Variants in KLRG2 observed in about 807,000 individuals in gnomAD.
The protein encoded by KLRG2 is killer cell lectin-like receptor subfamily G member 2.
KLRG2 carries 39 observed loss-of-function variants against 35.4 expected under a neutral mutation model. The ratio of observed to expected loss-of-function variants is 1.10; its 90% CI spans 0.85 to 1.44. The LOEUF (loss-of-function observed/expected upper bound fraction) is 1.44. Among genes scored for constraint, KLRG2 ranks in the 40% most tolerant of loss-of-function variants. KLRG2 has a pLI of 0.00. For missense variants in KLRG2, 632 were observed against 570.9 expected (o/e 1.11, Z -1.09); for synonymous variants, 283 against 265.8 (o/e 1.06, Z -0.63).
chr7:139,427,596 C>T, the KLRG2 span, among the ~76,000 whole-genome samples: 4 of 152,186 alleles, frequency 2.6e-5, no homozygotes, highest in African/African-American at 9.7e-5. Context: ...TGGGCTTAAA[C>T]TCTGAAGGGA....
the KLRG2 span, among the ~76,000 whole-genome samples, chr7:139,433,453 G>A: frequency 1.3e-5 from 2 of 152,060 alleles, no homozygotes; most frequent in Non-Finnish European, 2.9e-5. Context: ...AGTCTCCCGA[G>A]TAGCTGGCAT....
chr7:139,453,815 ACT>A, intron 4 of KLRG2, 108 bp from the exon 5 acceptor site: 1 of 1,321,634 alleles, frequency 7.6e-7, no homozygotes, highest in Non-Finnish European at 1.1e-6. Flanking sequence ...CGGCCTGGGC[ACT>A]GAGTGAGTCA....
At chr7:139,455,164 ATGC>A (rs1470388629) in intron 3 of KLRG2, among the ~76,000 whole-genome samples, 4 of 151,624 alleles carry the variant, frequency 2.6e-5, no homozygotes, top group African/African-American at 9.7e-5. Flanking sequence ...AACTACAGGC[ATGC>A]ACCACCACAC....
chr7:139,429,019 TTAAA>T, the KLRG2 span, among the ~76,000 whole-genome samples: 1 of 152,346 alleles, frequency 6.6e-6, no homozygotes, highest in African/African-American at 2.4e-5. Context: ...GATTTTCCAT[TTAAA>T]TAATCACTTT....
chr7:139,470,015 AG>A (rs915697567), intron 3 of KLRG2, among the ~76,000 whole-genome samples: 1 of 152,178 alleles, frequency 6.6e-6, no homozygotes, highest in African/African-American at 2.4e-5. Flanking sequence ...AACAAGAAAA[AG>A]ACCGAGTAAT....
At chr7:139,465,687 G>A (rs1157485483) in intron 3 of KLRG2, among the ~76,000 whole-genome samples, 1 of 124,926 alleles carries the variant, frequency 8.0e-6, no homozygotes, top group Non-Finnish European at 1.7e-5. Context: ...GTGAGACTCT[G>A]TCTCAAAAAA....
intron 1 of KLRG2, among the ~76,000 whole-genome samples, chr7:139,481,478 G>A (rs118124181): frequency 6.6e-6 from 1 of 152,326 alleles, no homozygotes; most frequent in Non-Finnish European, 1.5e-5. Context: ...GGAATTTGGT[G>A]CCTGTCAGTG....
chr7:139,455,605 G>A (rs1323567666), intron 3 of KLRG2, among the ~76,000 whole-genome samples: 2 of 152,178 alleles, frequency 1.3e-5, no homozygotes, highest in East Asian at 1.9e-4. Context: ...ACAGGCGTGA[G>A]CCACCGCGCC....
chr7:139,455,495 G>A (rs1362586522), intron 3 of KLRG2, among the ~76,000 whole-genome samples: 1 of 151,906 alleles, frequency 6.6e-6, no homozygotes, highest in Non-Finnish European at 1.5e-5. Context: ...CTAATTTTTT[G>A]TATTTTTAGT....
intron 3 of KLRG2, among the ~76,000 whole-genome samples, chr7:139,462,977 C>T (rs775114710): frequency 2.0e-5 from 3 of 152,194 alleles, no homozygotes; most frequent in Non-Finnish European, 2.9e-5. Context: ...CTCCGCTCCC[C>T]TACCCTATAA....
the KLRG2 span, among the ~76,000 whole-genome samples, chr7:139,431,420 C>CTT: frequency 2.7e-3 from 405 of 148,420 alleles, 1 homozygote; most frequent in African/African-American, 4.5e-3. Context: ...AATATATACA[C>CTT]TTTTTTTTTT....
intron 3 of KLRG2, among the ~76,000 whole-genome samples, chr7:139,456,812 T>C (rs1168658677): frequency 6.6e-6 from 1 of 152,174 alleles, no homozygotes; most frequent in Admixed American, 6.5e-5. Context: ...TGCCTCCTTG[T>C]CACTTTCCTG....
At chr7:139,438,915 TCCCCTCCCCCCCCCCA>T in the KLRG2 span, among the ~76,000 whole-genome samples, 1 of 118,048 alleles carries the variant, frequency 8.5e-6, no homozygotes, top group Non-Finnish European at 1.8e-5. Flanking sequence ...CCTCAGATGA[TCCCCTCCCCCCCCCCA>T]CCCCGCCCCG....
chr7:139,467,645 G>C (rs7457824), intron 3 of KLRG2, among the ~76,000 whole-genome samples: 32,162 of 144,644 alleles, frequency 0.22, 4,382 homozygotes, highest in African/African-American at 0.35. Context: ...CAGCATGCTC[G>C]TTAAGAGTCA....
At position 139,453,696 on chromosome 7, in the gene KLRG2, T is replaced by A. The variant is rs556303174; in HGVS notation, c.1121A>T (p.Asp374Val). Residue 374 changes from aspartate (D) to valine (V), a missense_variant, in exon 5 of 5, where the codon GAC becomes GTC. Transcript: ENST00000340940. ...APLPPQLLPE[D>V]GEDNLDINCG... is the part of the protein sequence containing the mutation. ...GTTGATATCCAGATTGTCCTCGCCG[T>A]CCTCAGGGAGTCTGGGAAAGGATGG... 2 of 1,613,956 alleles carry A rather than the reference T, an allele frequency of 1.2e-6. No individual in the cohort carries two copies. Among genetic ancestry groups the A allele is most frequent in the South Asian group, 2.2e-5 (2 of 91,056 alleles).
chr7:139,463,953 T>A (rs904755875), intron 3 of KLRG2, among the ~76,000 whole-genome samples: 16 of 152,216 alleles, frequency 1.1e-4, no homozygotes, highest in African/African-American at 3.9e-4. Context: ...GCCAGGCTTC[T>A]AGACCTCTTA....
rs775109529 is a variant in KLRG2, at chr7:139,483,560, G to T, written c.83C>A (p.Thr28Lys). 6.3e-7 allele frequency: 1 copy of T among 1,598,484 alleles called. No homozygotes were observed. Among genetic ancestry groups the T allele is most frequent in the East Asian group, 2.2e-5 (1 of 44,656 alleles). The change falls in exon 1 of 5, where the codon ACG becomes AAG. Residue 28 changes from threonine to lysine, a missense_variant. Thr to Lys is a moderately conservative substitution (Grantham distance 78, BLOSUM62 -1). Coordinates refer to ENST00000340940, the MANE Select transcript of KLRG2 (RefSeq NM_198508.4). ...PMEPVGSLVP[T>K]LEQPQVPAKV... Reference sequence around the variant, plus strand: ...CGCGGGCACCTGCGGCTGCTCCAGCGTGGGGACCAGGCTTCCCACGGGCTC... The same window carrying T: ...CGCGGGCACCTGCGGCTGCTCCAGCTTGGGGACCAGGCTTCCCACGGGCTC...
the KLRG2 span, among the ~76,000 whole-genome samples, chr7:139,445,332 T>C: frequency 6.6e-6 from 1 of 152,190 alleles, no homozygotes; most frequent in Non-Finnish European, 1.5e-5. Flanking sequence ...TCTGCCTGCC[T>C]CAACCTCTCA....
At chr7:139,480,020 G>C in intron 2 of KLRG2, 126 bp downstream of exon 2, 1 of 772,530 alleles carries the variant, frequency 1.3e-6, no homozygotes, top group Non-Finnish European at 2.2e-6. Context: ...TGCTCATCAA[G>C]CACCATGTCT....
Sources: gnomAD v4.1 joint callset for allele counts (sites outside exome capture counted in the v4.1 genomes callset) on GRCh38, gnomAD v4.1.1 for gene constraint, MANE v1.5 for transcripts, NCBI Gene and HGNC (gene_info 2026-07-23, HGNC 2026-07-21) for gene names.